Variants in ETV7 observed in about 807,000 individuals in gnomAD.
The protein encoded by ETV7 is ETS variant transcription factor 7.
A neutral mutation model predicts 39.1 loss-of-function variants in ETV7; 43 were observed. The observed-to-expected ratio is 1.10, with a 90% CI of 0.86 to 1.42. The LOEUF is 1.42. ETV7 is among the 40% of genes most tolerant of loss of function. ETV7 has a pLI of 0.00. For synonymous variants in ETV7, 196 were observed against 176.6 expected, an observed-to-expected ratio of 1.11 and a Z score of -0.87; for missense variants, 432 against 442.3, an observed-to-expected ratio of 0.98 and a Z score of 0.21.
At position 36,371,342 on chromosome 6, in the gene ETV7, CG is replaced by C; in HGVS notation, c.651del (p.Asp217GlufsTer56). Reference protein sequence around the residue: ...SFPAMPQAPIDGRIADCRLLW... With the variant: ...SFPAMPQAPIXGRIADCRLLW... ...GCCTCCCACTCACCAGCGATCCTGC[CG>C]TCAATGGGGGCCTGCGGCATCGCGG... On this transcript the variant is annotated frameshift_variant, in exon 5 of 8. Transcript: ENST00000340181. LOFTEE classifies it high-confidence loss of function. The C allele has an allele frequency of 6.3e-7, 1 of 1,588,634 alleles. No homozygotes were observed. The highest frequency in any genetic ancestry group is 8.6e-7 in the Non-Finnish European group (1 of 1,166,310).
At position 36,369,011 on chromosome 6, in the gene ETV7, T is replaced by G; in HGVS notation, c.725A>C (p.Tyr242Ser). 3 of 1,614,210 alleles carry G rather than the reference T, an allele frequency of 1.9e-6. No individual in the cohort carries two copies. The highest frequency in any genetic ancestry group is 2.5e-6 in the Non-Finnish European group (3 of 1,180,032). The change falls in exon 6 of 8, where the codon TAC (tyrosine) becomes TCC (serine). Residue 242 changes from tyrosine (Y) to serine (S), a missense_variant. Tyr to Ser is a moderately radical substitution (Grantham distance 144). Transcript: ENST00000340181. ...QLLLDTRYEPYIKWEDKDAKI... is the reference protein window; with the variant it reads ...QLLLDTRYEPSIKWEDKDAKI... Reference sequence around the variant, plus strand: ...GGCGTCCTTGTCTTCCCACTTGATGTAGGGCTCATATCGGGTATCAAGGAG... The same window carrying G: ...GGCGTCCTTGTCTTCCCACTTGATGGAGGGCTCATATCGGGTATCAAGGAG...
chr6:36,369,025 G>A lies in ETV7; in HGVS notation c.711C>T (p.Thr237=). 1 of 1,614,112 alleles carries A rather than the reference G, an allele frequency of 6.2e-7. No homozygotes were observed. The highest frequency in any genetic ancestry group is 8.5e-7 in the Non-Finnish European group (1 of 1,180,028). The change falls in exon 6 of 8, where the codon ACC becomes ACT. Residue 237 remains threonine, a synonymous_variant. Transcript: ENST00000340181. ...CCCACTTGATGTAGGGCTCATATCG[G>A]GTATCAAGGAGCAGCTGATACACGT... ...WDYVYQLLLD[T]RYEPYIKWED...
rs1173037480 is a variant in ETV7, at chr6:36,366,873, A to C, written c.908+2T>G. 1.9e-6 allele frequency: 3 copies of C among 1,613,486 alleles called. No homozygotes were observed. Among genetic ancestry groups the C allele is most frequent in the Non-Finnish European group, 2.5e-6 (3 of 1,179,770 alleles). On this transcript the variant is annotated splice_donor_variant, in intron 7 of 7. Coordinates refer to ENST00000340181, the MANE Select transcript of ETV7 (RefSeq NM_016135.4). LOFTEE classifies it high-confidence loss of function. ...TTTCACCACATCCCCTAGGCCACTC[A>C]CCTGAACAGGAGTTTCTGCCCCGGT...
chr6:36,370,733 A>G lies in ETV7; in HGVS notation c.664+597T>C, dbSNP rs556206830. On this transcript the variant is annotated intron_variant, in intron 5 of 7. Coordinates refer to ENST00000340181, the MANE Select transcript of ETV7 (RefSeq NM_016135.4). ...TGCAGTGTCACTATTATGACTAGAAAAACACCCTTCAGCTTATCTGTCAGT... is the reference window on the plus strand; with the variant it reads ...TGCAGTGTCACTATTATGACTAGAAGAACACCCTTCAGCTTATCTGTCAGT... Among the ~76,000 whole-genome samples, 9 of 152,256 alleles carry G rather than the reference A, an allele frequency of 5.9e-5. No homozygotes were observed. In the East Asian group the frequency reaches 1.7e-3, roughly 29 times the overall value.
At position 36,366,244 on chromosome 6, in the gene ETV7, G is replaced by T; in HGVS notation, c.*401C>A. On this transcript the variant is annotated 3_prime_UTR_variant, in exon 8 of 8. Coordinates refer to ENST00000340181, the MANE Select transcript of ETV7 (RefSeq NM_016135.4). The stretch of plus-strand genomic sequence containing the variant: ...CTGAGGCTGTCAGTGCCGCCTGGAA[G>T]CACTAACACTTTTTCCCATTTCCTG... 2.9e-6 allele frequency: 3 copies of T among 1,037,536 alleles called. No individual in the cohort carries two copies. The highest frequency in any genetic ancestry group is 7.7e-5 in the South Asian group (2 of 25,930). 64.3% of individuals were successfully genotyped at this position (1,037,536 alleles called of 1,614,324 possible).
chr6:36,387,603 C>T lies in ETV7; in HGVS notation c.-62G>A, dbSNP rs377679811. On this transcript the variant is annotated 5_prime_UTR_variant, in exon 1 of 8. Transcript: ENST00000340181. ...TTGAGCGCTCCCCTGGCTGTGGCTG[C>T]TGGGGCCCTAGGCCCGCGCCCCGCA... 1.5e-4 allele frequency: 239 copies of T among 1,604,640 alleles called. 1 individual carries two copies. The highest frequency in any genetic ancestry group is 1.8e-4 in the Admixed American group (11 of 59,464).
At chr6:36,362,607 G>A (rs1772531571), downstream of ETV7, among the ~76,000 whole-genome samples, 1 of 152,212 alleles carries the variant, frequency 6.6e-6, no homozygotes, top group African/African-American at 2.4e-5. Context: ...GATGTTTGTA[G>A]AAGGCAGGCC....
intron 2 of ETV7, among the ~76,000 whole-genome samples, chr6:36,376,663 C>A (rs1334481454): frequency 6.6e-6 from 1 of 151,924 alleles, no homozygotes; most frequent in African/African-American, 2.4e-5. Context: ...GTAGTCCCAG[C>A]TGCTCGGGAG....
At chr6:36,378,540 T>C (rs1438618519) in intron 2 of ETV7, among the ~76,000 whole-genome samples, 1 of 152,184 alleles carries the variant, frequency 6.6e-6, no homozygotes, top group African/African-American at 2.4e-5. Context: ...AGGGTAGATT[T>C]CAGGGAAATA....
chr6:36,373,902 G>A (rs1257621210), intron 3 of ETV7, among the ~76,000 whole-genome samples: 2 of 152,210 alleles, frequency 1.3e-5, no homozygotes, highest in Non-Finnish European at 2.9e-5. Flanking sequence ...TGTGCACAGT[G>A]CATAAACTGT....
intron 7 of ETV7, among the ~76,000 whole-genome samples, chr6:36,358,532 TGAAAGCCCA>T (rs983064559): frequency 9.9e-5 from 15 of 152,274 alleles, no homozygotes; most frequent in Non-Finnish European, 2.1e-4. Flanking sequence ...GGTCCCTGGC[TGAAAGCCCA>T]GAATCCCAGA....
Position 36,387,634 on chromosome 6 carries a change from C to T in ETV7, c.-93G>A. The T allele has an allele frequency of 1.4e-6, 2 of 1,447,468 alleles. No individual in the cohort carries two copies. The highest frequency in any genetic ancestry group is 1.2e-5 in the South Asian group (1 of 86,044). 89.7% of individuals were successfully genotyped at this position (1,447,468 alleles called of 1,614,324 possible). On this transcript the variant is annotated 5_prime_UTR_variant, in exon 1 of 8. Transcript: ENST00000340181. ...CCCTAGGCCCGCGCCCCGCAGTCCTCCTCCGCCAAACCCCTAACCTGGCTC... is the reference window on the plus strand; with the variant it reads ...CCCTAGGCCCGCGCCCCGCAGTCCTTCTCCGCCAAACCCCTAACCTGGCTC...
intron 2 of ETV7, among the ~76,000 whole-genome samples, chr6:36,384,957 G>A (rs1773822147): frequency 6.6e-6 from 1 of 151,896 alleles, no homozygotes; most frequent in Non-Finnish European, 1.5e-5. Flanking sequence ...CTTGGCACCT[G>A]GCAAAAATTA....
rs978125422 is a variant in ETV7, at chr6:36,358,958, CAGG to C, written c.909-4274_909-4272del. Among the ~76,000 whole-genome samples, 7 of 152,312 alleles carry C rather than the reference CAGG, an allele frequency of 4.6e-5. No homozygotes were observed. The East Asian group carries it at 1.3e-3, about 29-fold the overall frequency. On this transcript the variant is annotated intron_variant, in intron 7 of 7. Transcript: ENST00000339796. ...CAGATCTAGAGAACTGAGGTCTATT[CAGG>C]AGACTTTGTGATCTCGGTCTTAGCT... is the stretch of plus-strand genomic sequence containing the variant.
downstream of ETV7, among the ~76,000 whole-genome samples, chr6:36,363,114 T>G (rs1336991582): frequency 6.6e-6 from 1 of 152,204 alleles, no homozygotes; most frequent in Non-Finnish European, 1.5e-5. Flanking sequence ...GGTATGCAGC[T>G]CTGGGGTGAG....
At chr6:36,354,753 A>C in intron 7 of ETV7, 1 of 670,434 alleles carries the variant, frequency 1.5e-6, no homozygotes, top group Admixed American at 2.4e-5. Context: ...AGACCAATTT[A>C]GGGAGTATTG....
chr6:36,379,269 T>C (rs972747458), intron 2 of ETV7, among the ~76,000 whole-genome samples: 1 of 152,200 alleles, frequency 6.6e-6, no homozygotes, highest in African/African-American at 2.4e-5. Context: ...TGGCCTGTTG[T>C]GGTGGCTGAG....
chr6:36,356,315 C>A (rs1217614845), intron 7 of ETV7, among the ~76,000 whole-genome samples: 5 of 126,730 alleles, frequency 3.9e-5, no homozygotes, highest in South Asian at 2.7e-4. Flanking sequence ...AAGAGTGAGA[C>A]CCTGTCTCAA....
At chr6:36,365,907 C>G (rs80096334), downstream of ETV7, among the ~76,000 whole-genome samples, 5,728 of 152,306 alleles carry the variant, frequency 0.038, 201 homozygotes, top group East Asian at 0.13. Flanking sequence ...CGCAGTGGCT[C>G]ACGCCTGTAA....
Sources: allele counts gnomAD v4.1 joint callset (sites outside exome capture counted in the v4.1 genomes callset), GRCh38; gene constraint gnomAD v4.1.1; transcripts MANE v1.5; gene names NCBI Gene and HGNC (gene_info 2026-07-23, HGNC 2026-07-21).